Variants in ACVR2A observed in about 807,000 individuals in gnomAD.
The protein encoded by ACVR2A is activin receptor type-2A.
A neutral mutation model predicts 61.4 loss-of-function variants in ACVR2A; 7 were observed. That is an observed-to-expected ratio of 0.11 (90% CI 0.06 to 0.21). ACVR2A has a LOEUF of 0.21. ACVR2A is among the 10% of genes least tolerant of loss of function. ACVR2A has a pLI of 1.00. For missense variants in ACVR2A, 322 were observed against 621.7 expected, an observed-to-expected ratio of 0.52 and a Z score of 5.13; for synonymous variants, 193 against 208.3, an observed-to-expected ratio of 0.93 and a Z score of 0.63.
intron 1 of ACVR2A, among the ~76,000 whole-genome samples, chr2:147,864,555 A>G (rs1685807334): frequency 2.0e-5 from 3 of 152,114 alleles, no homozygotes; most frequent in Admixed American, 6.6e-5. Context: ...TAAAGTATCA[A>G]TTAGCTTGCA....
chr2:147,880,797 G>A (rs1686280378), intron 1 of ACVR2A, among the ~76,000 whole-genome samples: 1 of 152,144 alleles, frequency 6.6e-6, no homozygotes, highest in African/African-American at 2.4e-5. Context: ...GATATTTGTT[G>A]AATGCAGAAG....
At chr2:147,867,031 G>A (rs1558963412) in intron 1 of ACVR2A, among the ~76,000 whole-genome samples, 2 of 152,134 alleles carry the variant, frequency 1.3e-5, no homozygotes, top group Admixed American at 6.5e-5. Flanking sequence ...AGGAAAACAA[G>A]TATCGTTTCA....
intron 1 of ACVR2A, among the ~76,000 whole-genome samples, chr2:147,885,444 G>A (rs1157959251): frequency 6.6e-6 from 1 of 152,082 alleles, no homozygotes; most frequent in African/African-American, 2.4e-5. Flanking sequence ...GAAATTATTT[G>A]TGGGCAGGGA....
rs1053950468 is a variant in ACVR2A at position 147,928,781 on chromosome 2, A to C, written c.*1507A>C. 3.9e-5 allele frequency: 6 copies of C among 152,400 alleles called. No individual in the cohort carries two copies. Among genetic ancestry groups the C allele is most frequent in the African/African-American group, 1.4e-4 (6 of 41,388 alleles). 9.4% of individuals were successfully genotyped at this position (152,400 alleles called of 1,614,324 possible). A position where few individuals can be genotyped will look rare whatever the true frequency, so the allele number is the denominator to read the frequency against. On this transcript the variant is annotated 3_prime_UTR_variant, in exon 11 of 11. Transcript: ENST00000241416. ...CAATATTACGTTAGAATACAATTGG[A>C]TTCTTCCTCAAATTTATACAGGCCA...
chr2:147,869,824 T>G (rs1221681958), intron 1 of ACVR2A, among the ~76,000 whole-genome samples: 1 of 151,462 alleles, frequency 6.6e-6, no homozygotes, highest in African/African-American at 2.4e-5. Flanking sequence ...AAAATCTATA[T>G]AGCTGGAAAA....
At chr2:147,872,648 C>T (rs1686051350) in intron 1 of ACVR2A, among the ~76,000 whole-genome samples, 1 of 150,882 alleles carries the variant, frequency 6.6e-6, no homozygotes, top group Non-Finnish European at 1.5e-5. Context: ...TGTTTAAATG[C>T]ATCCTTTCTG....
Position 147,870,711 on chromosome 2 carries a change from A to G in ACVR2A, c.55+25504A>G, listed in dbSNP as rs1355250538. Among the ~76,000 whole-genome samples the G allele has an allele frequency of 2.0e-5, 3 of 152,202 alleles. No homozygotes were observed. The East Asian group carries it at 5.8e-4, about 29-fold the overall frequency. ...TTCTCCTGTTTAATCCACTGACTAT[A>G]TCGTGAAGACAACCCCATTTTTCCT... On this transcript the variant is annotated intron_variant, in intron 1 of 10. Transcript: ENST00000241416.
intron 1 of ACVR2A, among the ~76,000 whole-genome samples, chr2:147,868,871 A>G (rs1398072381): frequency 6.6e-6 from 1 of 151,974 alleles, no homozygotes; most frequent in Non-Finnish European, 1.5e-5. Flanking sequence ...GGGCTCAAGC[A>G]GTTCTCCTGT....
rs1687531143 is a variant in ACVR2A, at chr2:147,927,493, ACT to A, written c.*222_*223del. On this transcript the variant is annotated 3_prime_UTR_variant, in exon 11 of 11. Transcript: ENST00000241416. The stretch of plus-strand genomic sequence containing the variant: ...CATGAGACTAAGAGAAACCTTGCAA[ACT>A]CTATAAAGAAACTTTTGAAAAAGTG... 7.0e-6 allele frequency: 3 copies of A among 427,212 alleles called. No homozygotes were observed. Among genetic ancestry groups the A allele is most frequent in the Non-Finnish European group, 1.2e-5 (3 of 246,008 alleles). 26.5% of individuals were successfully genotyped at this position (427,212 alleles called of 1,614,324 possible).
At chr2:147,859,068 A>G (rs1685658815) in intron 1 of ACVR2A, among the ~76,000 whole-genome samples, 2 of 152,150 alleles carry the variant, frequency 1.3e-5, no homozygotes, top group Admixed American at 6.5e-5. Flanking sequence ...TTCTTATAGA[A>G]TTATTGTTAT....
intron 1 of ACVR2A, among the ~76,000 whole-genome samples, chr2:147,871,089 T>C (rs1211534798): frequency 6.6e-6 from 1 of 152,120 alleles, no homozygotes; most frequent in African/African-American, 2.4e-5. Context: ...GTTTCCATAA[T>C]GTTTTGCATA....
chr2:147,868,291 G>A (rs553239982), intron 1 of ACVR2A, among the ~76,000 whole-genome samples: 17 of 152,240 alleles, frequency 1.1e-4, no homozygotes, highest in Admixed American at 1.1e-3. Flanking sequence ...GAGCTTTGAG[G>A]CAGTCAAGAT....
intron 1 of ACVR2A, among the ~76,000 whole-genome samples, chr2:147,862,217 C>G (rs1465153261): frequency 6.6e-6 from 1 of 151,826 alleles, no homozygotes; most frequent in Non-Finnish European, 1.5e-5. Flanking sequence ...TGTTTAGAGT[C>G]TGGGGAGCCA....
intron 5 of ACVR2A, among the ~76,000 whole-genome samples, chr2:147,916,458 T>G (rs1250332435): frequency 6.6e-6 from 1 of 151,936 alleles, no homozygotes; most frequent in Non-Finnish European, 1.5e-5. Context: ...TATGTGTACG[T>G]ATATTACCCA....
At chr2:147,915,832 T>A (rs2105214303) in intron 5 of ACVR2A, among the ~76,000 whole-genome samples, 1 of 152,064 alleles carries the variant, frequency 6.6e-6, no homozygotes, top group African/African-American at 2.4e-5. Flanking sequence ...AAATAATTGG[T>A]TTACTGTTGA....
chr2:147,855,101 G>A (rs1266713841), intron 1 of ACVR2A, among the ~76,000 whole-genome samples: 1 of 152,070 alleles, frequency 6.6e-6, no homozygotes, highest in African/African-American at 2.4e-5. Context: ...GGCTGGTCTC[G>A]AACTCCTGTC....
At position 147,927,746 on chromosome 2, in the gene ACVR2A, C is replaced by T. The variant is rs777529977; in HGVS notation, c.*472C>T. 6.5e-6 allele frequency: 1 copy of T among 153,174 alleles called. No homozygotes were observed. The highest frequency in any genetic ancestry group is 1.5e-5 in the Non-Finnish European group (1 of 68,748). 9.5% of individuals were successfully genotyped at this position (153,174 alleles called of 1,614,324 possible). On this transcript the variant is annotated 3_prime_UTR_variant, in exon 11 of 11. Transcript: ENST00000241416. ...TTTCTATAAATGACTATTGTAATGC[C>T]AATATGACACAGCTTGTGAATGTTT...
At chr2:147,855,177 G>A (rs1466555975) in intron 1 of ACVR2A, among the ~76,000 whole-genome samples, 1 of 152,164 alleles carries the variant, frequency 6.6e-6, no homozygotes. Context: ...ACCGCGCCTG[G>A]CCTATTTCTT....
At chr2:147,876,238 A>G (rs755805123) in intron 1 of ACVR2A, among the ~76,000 whole-genome samples, 7 of 151,932 alleles carry the variant, frequency 4.6e-5, no homozygotes, top group Admixed American at 6.6e-5. Context: ...CTGTTATTCT[A>G]TTCTTGTAAT....
Sources: gnomAD v4.1 joint callset for allele counts (sites outside exome capture counted in the v4.1 genomes callset) on GRCh38, gnomAD v4.1.1 for gene constraint, MANE v1.5 for transcripts, NCBI Gene and HGNC (gene_info 2026-07-23, HGNC 2026-07-21) for gene names.